CAMK1D: variants seen among roughly 807,000 people sequenced by gnomAD.
CAMK1D encodes calcium/calmodulin dependent protein kinase ID.
In CAMK1D, 9 loss-of-function variants were observed where a neutral mutation model predicts 47.7. The observed-to-expected ratio is 0.19, with a 90% confidence interval of 0.11 to 0.33. The LOEUF (loss-of-function observed/expected upper bound fraction) is 0.33. CAMK1D is among the 10% of genes least tolerant of loss of function. The pLI is 1.00. For synonymous variants in CAMK1D, 184 were observed against 184.9 expected (o/e 0.99, Z 0.04); for missense variants, 291 against 488.7 (o/e 0.60, Z 3.81).
At chr10:12,811,480 C>A (rs1554829256) in intron 6 of CAMK1D, among the ~76,000 whole-genome samples, 2 of 152,174 alleles carry the variant, frequency 1.3e-5, no homozygotes, top group Non-Finnish European at 2.9e-5. Context: ...ACTTTTAAAT[C>A]TTTTTTCTTA....
chr10:12,562,435 T>A (rs1836974715), intron 2 of CAMK1D, among the ~76,000 whole-genome samples: 1 of 152,136 alleles, frequency 6.6e-6, no homozygotes, highest in Admixed American at 6.5e-5. Context: ...TTTAGTTCCT[T>A]CTCCCACAGC....
Position 12,615,554 on chromosome 10 carries a change from ATG to A in CAMK1D, c.225-51176_225-51175del, listed in dbSNP as rs573967244. Among the ~76,000 whole-genome samples, 40 of 142,526 alleles carry A rather than the reference ATG, an allele frequency of 2.8e-4. 1 individual carries two copies. In the East Asian group the frequency reaches 5.3e-3, roughly 19 times the overall value. The allele number at this position is 142,526 out of a possible 152,430, so 93.5% of individuals were successfully genotyped here. A position where few individuals can be genotyped will look rare whatever the true frequency, so the allele number is the denominator to read the frequency against. On this transcript the variant is annotated intron_variant, in intron 2 of 10. Coordinates refer to ENST00000619168, the MANE Select transcript of CAMK1D (RefSeq NM_153498.4). ...TGTGTGCATGTGTACATGTGTAGTT[ATG>A]TGTGTATATCGTGTGTGTGCGTGTG...
At chr10:12,701,863 T>A (rs1024250537) in intron 3 of CAMK1D, among the ~76,000 whole-genome samples, 1 of 152,138 alleles carries the variant, frequency 6.6e-6, no homozygotes, top group Non-Finnish European at 1.5e-5. Flanking sequence ...CAGGGGTTCT[T>A]CCCCAGCCAT....
chr10:12,700,557 T>C (rs956803761), intron 3 of CAMK1D, among the ~76,000 whole-genome samples: 1 of 152,326 alleles, frequency 6.6e-6, no homozygotes, highest in African/African-American at 2.4e-5. Context: ...TTACTCAGCC[T>C]TTCTGAGCTT....
chr10:12,351,560 G>A (rs1305976845), intron 1 of CAMK1D, among the ~76,000 whole-genome samples: 1 of 152,150 alleles, frequency 6.6e-6, no homozygotes, highest in African/African-American at 2.4e-5. Context: ...GTTCCCACCC[G>A]AGCCCCCCAC....
At chr10:12,394,582 G>A (rs775678100) in intron 1 of CAMK1D, among the ~76,000 whole-genome samples, 9 of 152,236 alleles carry the variant, frequency 5.9e-5, no homozygotes, top group Admixed American at 2.6e-4. Context: ...AAGGGCTTTC[G>A]GAGGTCTGTG....
At chr10:12,689,351 A>C (rs567986552) in intron 3 of CAMK1D, among the ~76,000 whole-genome samples, 1 of 152,366 alleles carries the variant, frequency 6.6e-6, no homozygotes, top group African/African-American at 2.4e-5. Flanking sequence ...GCCTGTTAGT[A>C]GTTTGACCAC....
At chr10:12,429,787 G>C (rs1564334961) in intron 1 of CAMK1D, among the ~76,000 whole-genome samples, 1 of 152,160 alleles carries the variant, frequency 6.6e-6, no homozygotes. Context: ...GGGTGCCTGT[G>C]GGAGATGGGC....
At chr10:12,534,148 A>ATCTATCTATCTATCTATCTG (rs1428570915) in intron 1 of CAMK1D, among the ~76,000 whole-genome samples, 1 of 151,402 alleles carries the variant, frequency 6.6e-6, no homozygotes, top group Non-Finnish European at 1.5e-5. Context: ...AAACCTCCAC[A>ATCTATCTATCTATCTATCTG]TCTATCTATC....
chr10:12,768,595 T>C (rs369012680), intron 4 of CAMK1D, among the ~76,000 whole-genome samples: 1 of 151,742 alleles, frequency 6.6e-6, no homozygotes, highest in Non-Finnish European at 1.5e-5. Flanking sequence ...TCCTGGAGGG[T>C]GGACATTCCT....
chr10:12,501,530 G>A (rs1221464033), intron 1 of CAMK1D, among the ~76,000 whole-genome samples: 2 of 152,202 alleles, frequency 1.3e-5, no homozygotes, highest in Admixed American at 6.5e-5. Context: ...TTGTATGCAC[G>A]GCTCTGTGCT....
In CAMK1D at chr10:12,764,991, A is replaced by T. The variant is rs1836684377; in HGVS notation, c.438+3905A>T. Among the ~76,000 whole-genome samples, 3 of 152,286 alleles carry T rather than the reference A, an allele frequency of 2.0e-5. No homozygotes were observed. In the South Asian group the frequency reaches 6.2e-4, roughly 32 times the overall value. On this transcript the variant is annotated intron_variant, in intron 4 of 10. Transcript: ENST00000619168. The stretch of plus-strand genomic sequence containing the variant: ...ATGCCTGTAATCCCAGCTACTCCGG[A>T]GGCTGAGGCAGGAGAATTCCTTGAA...
intron 2 of CAMK1D, among the ~76,000 whole-genome samples, chr10:12,602,511 C>T (rs72771742): frequency 0.016 from 2,489 of 152,300 alleles, 31 homozygotes; most frequent in Middle Eastern, 0.027. Flanking sequence ...TTTGTAGGAG[C>T]AGGTGCCATT....
At chr10:12,761,471 C>G (rs1372265454) in intron 4 of CAMK1D, among the ~76,000 whole-genome samples, 1 of 151,922 alleles carries the variant, frequency 6.6e-6, no homozygotes, top group East Asian at 1.9e-4. Flanking sequence ...CATTGCAGCA[C>G]AACACACTGT....
intron 2 of CAMK1D, among the ~76,000 whole-genome samples, chr10:12,591,152 G>A (rs938985180): frequency 3.3e-5 from 5 of 152,140 alleles, no homozygotes; most frequent in African/African-American, 1.2e-4. Context: ...GACACAGAGG[G>A]GTCAGGGACA....
At chr10:12,560,634 T>C (rs1836909941) in intron 2 of CAMK1D, among the ~76,000 whole-genome samples, 1 of 151,250 alleles carries the variant, frequency 6.6e-6, no homozygotes, top group African/African-American at 2.4e-5. Flanking sequence ...ACTTTGCCAA[T>C]GACTGAAAAT....
intron 3 of CAMK1D, among the ~76,000 whole-genome samples, chr10:12,747,926 A>C (rs953829600): frequency 2.0e-5 from 3 of 152,214 alleles, no homozygotes; most frequent in East Asian, 1.9e-4. Flanking sequence ...TCATTAGGGA[A>C]GTCAAATTTG....
chr10:12,527,130 G>T (rs1835650408), intron 1 of CAMK1D, among the ~76,000 whole-genome samples: 1 of 151,994 alleles, frequency 6.6e-6, no homozygotes, highest in South Asian at 2.1e-4. Context: ...GATTTTAGGG[G>T]CTTATATTGC....
chr10:12,580,624 C>T (rs1472823933), intron 2 of CAMK1D, among the ~76,000 whole-genome samples: 1 of 152,072 alleles, frequency 6.6e-6, no homozygotes, highest in African/African-American at 2.4e-5. Context: ...ACCATTTAAG[C>T]CCCACTAGAA....
Sources: gnomAD v4.1 joint callset for allele counts (sites outside exome capture counted in the v4.1 genomes callset) on GRCh38, gnomAD v4.1.1 for gene constraint, MANE v1.5 for transcripts, NCBI Gene and HGNC (gene_info 2026-07-23, HGNC 2026-07-21) for gene names.